LRRN3: variants seen among roughly 807,000 people sequenced by gnomAD.
LRRN3 encodes leucine-rich repeat neuronal protein 3.
In LRRN3, 15 loss-of-function variants were observed where a neutral mutation model predicts 40.1. The observed-to-expected ratio is 0.37, with a 90% CI of 0.25 to 0.58. LRRN3 has a LOEUF of 0.58. Among genes scored for constraint, LRRN3 ranks in the 20% least tolerant of loss-of-function variants. The pLI, the probability that LRRN3 is intolerant of heterozygous loss-of-function variation, is 0.72. For missense variants in LRRN3, 746 were observed against 837.7 expected (o/e 0.89, Z 1.35); for synonymous variants, 308 against 297.2 (o/e 1.04, Z -0.37).
At chr7:111,110,015 G>A (rs1004665776) in intron 2 of LRRN3, among the ~76,000 whole-genome samples, 3 of 152,112 alleles carry the variant, frequency 2.0e-5, no homozygotes, top group Non-Finnish European at 4.4e-5. Context: ...AACACCTGTA[G>A]TCCAAGCTAC....
At chr7:111,100,082 T>A (rs1797809564) in intron 2 of LRRN3, 120 bp downstream of exon 2, 1 of 151,666 alleles carries the variant, frequency 6.6e-6, no homozygotes, top group South Asian at 2.1e-4. Flanking sequence ...GAACCCTGAA[T>A]GTCTGACTCT....
chr7:111,095,000 G>A (rs191807127), intron 1 of LRRN3, among the ~76,000 whole-genome samples: 2 of 152,110 alleles, frequency 1.3e-5, no homozygotes, highest in East Asian at 3.9e-4. Flanking sequence ...AGTACCTACA[G>A]GGCCATTTAC....
Position 111,124,341 on chromosome 7 carries a change from C to T in LRRN3, c.1569C>T (p.Gly523=), listed in dbSNP as rs1486625296. 7 of 1,613,618 alleles carry T rather than the reference C, an allele frequency of 4.3e-6. No homozygotes were observed. The highest frequency in any genetic ancestry group is 5.9e-6 in the Non-Finnish European group (7 of 1,179,888). The part of the protein sequence containing the change: ...VDGSFPQDNN[G]SLNIKIRDIQ... ...GATCTTTTCCACAAGATAACAATGG[C>T]TCTTTGAATATTAAAATAAGAGATA... Residue 523 remains glycine (G), a synonymous_variant, in exon 3 of 3, where the codon GGC becomes GGT. Transcript: ENST00000308478.
intron 2 of LRRN3, among the ~76,000 whole-genome samples, chr7:111,109,793 T>C (rs1474034274): frequency 6.6e-6 from 1 of 152,178 alleles, no homozygotes; most frequent in African/African-American, 2.4e-5. Context: ...CATTGTTTGT[T>C]GCTATTGTTA....
intron 2 of LRRN3, among the ~76,000 whole-genome samples, chr7:111,114,738 CAA>C (rs567078227): frequency 2.4e-4 from 15 of 62,552 alleles, no homozygotes; most frequent in Admixed American, 3.7e-4. Flanking sequence ...GACTCCATCT[CAA>C]AAAAAAAAAA....
At chr7:111,101,625 CT>C (rs1797990229) in intron 2 of LRRN3, among the ~76,000 whole-genome samples, 1 of 151,126 alleles carries the variant, frequency 6.6e-6, no homozygotes, top group South Asian at 2.1e-4. Flanking sequence ...GGTATACTGT[CT>C]TGTATATTTC....
chr7:111,109,122 G>A (rs192175368), intron 2 of LRRN3, among the ~76,000 whole-genome samples: 1 of 152,122 alleles, frequency 6.6e-6, no homozygotes, highest in Non-Finnish European at 1.5e-5. Context: ...AAGGTGGTCC[G>A]TAAATAAGGT....
intron 2 of LRRN3, among the ~76,000 whole-genome samples, chr7:111,107,290 TG>T (rs1450336701): frequency 6.6e-6 from 1 of 152,062 alleles, no homozygotes; most frequent in East Asian, 1.9e-4. Flanking sequence ...TTAAATTATA[TG>T]GGCATGTAAA....
intron 2 of LRRN3, among the ~76,000 whole-genome samples, chr7:111,115,544 G>A (rs369273885): frequency 1.3e-5 from 2 of 152,018 alleles, no homozygotes; most frequent in East Asian, 1.9e-4. Context: ...ATTATAAAGA[G>A]AGATTTCTGT....
chr7:111,099,930 T>A lies in LRRN3; in HGVS notation c.-391T>A, dbSNP rs1797793285. ...AAGAAGAGGAAGATGTTGGGCAACATTTATTTAACATGCTCCACAGCCCGG... is the reference window on the plus strand; with the variant it reads ...AAGAAGAGGAAGATGTTGGGCAACAATTATTTAACATGCTCCACAGCCCGG... On this transcript the variant is annotated 5_prime_UTR_variant, in exon 2 of 3. Coordinates refer to ENST00000308478, the MANE Select transcript of LRRN3 (RefSeq NM_001099658.2). The A allele has an allele frequency of 6.6e-6, 1 of 151,598 alleles. No homozygotes were observed. Among genetic ancestry groups the A allele is most frequent in the African/African-American group, 2.4e-5 (1 of 41,356 alleles). 9.4% of individuals were successfully genotyped at this position (151,598 alleles called of 1,614,324 possible). A position where few individuals can be genotyped will look rare whatever the true frequency, so the allele number is the denominator to read the frequency against.
chr7:111,100,153 T>G (rs1797819043), intron 2 of LRRN3, among the ~76,000 whole-genome samples, 191 bp downstream of exon 2: 1 of 151,610 alleles, frequency 6.6e-6, no homozygotes, highest in African/African-American at 2.4e-5. Flanking sequence ...TTCAATAGCT[T>G]TTTGGGAAAC....
chr7:111,111,876 G>T (rs1316243923), intron 2 of LRRN3, among the ~76,000 whole-genome samples: 3 of 149,270 alleles, frequency 2.0e-5, no homozygotes, highest in Non-Finnish European at 4.4e-5. Flanking sequence ...AGTTAAGTTA[G>T]GTGACAGGAA....
chr7:111,120,667 T>C (rs1800488954), intron 2 of LRRN3, among the ~76,000 whole-genome samples: 1 of 152,174 alleles, frequency 6.6e-6, no homozygotes, highest in Non-Finnish European at 1.5e-5. Context: ...TTACGAATGA[T>C]AACACACAGG....
At position 111,122,723 on chromosome 7, in the gene LRRN3, G is replaced by T; in HGVS notation, c.-50G>T. 1 of 1,438,968 alleles carries T rather than the reference G, an allele frequency of 6.9e-7. No individual in the cohort carries two copies. Among genetic ancestry groups the T allele is most frequent in the South Asian group, 1.3e-5 (1 of 78,500 alleles). The allele number at this position is 1,438,968 out of a possible 1,614,324, so 89.1% of individuals were successfully genotyped here. A position where few individuals can be genotyped will look rare whatever the true frequency, so the allele number is the denominator to read the frequency against. ...AGCTCCTATTGAACTTACTAGCACT[G>T]ACTGTGGAATCCTTAAGGGCCCATT... On this transcript the variant is annotated 5_prime_UTR_variant, in exon 3 of 3. Transcript: ENST00000308478.
intron 2 of LRRN3, among the ~76,000 whole-genome samples, chr7:111,121,796 G>C (rs554164500): frequency 6.7e-4 from 102 of 152,214 alleles, no homozygotes; most frequent in Non-Finnish European, 8.1e-4. Context: ...TATTGCAGCA[G>C]TATTCACAAT....
At chr7:111,118,675 ATTAC>A (rs1162349791) in intron 2 of LRRN3, among the ~76,000 whole-genome samples, 1 of 152,138 alleles carries the variant, frequency 6.6e-6, no homozygotes, top group African/African-American at 2.4e-5. Flanking sequence ...AGATACTATT[ATTAC>A]TTACTTATTA....
Position 111,124,701 on chromosome 7 carries a change from A to G in LRRN3, c.1929A>G (p.Ile643Met). 1 of 1,613,966 alleles carries G rather than the reference A, an allele frequency of 6.2e-7. No individual in the cohort carries two copies. The highest frequency in any genetic ancestry group is 2.2e-5 in the East Asian group (1 of 44,874). The change falls in exon 3 of 3, where the codon ATA (isoleucine) becomes ATG (methionine). Residue 643 changes from isoleucine to methionine, a missense_variant. By Grantham distance (10) the Ile-to-Met change is conservative. Coordinates refer to ENST00000308478, the MANE Select transcript of LRRN3 (RefSeq NM_001099658.2). ...GCCTTCTGGGGATTATTGGTGTGAT[A>G]TGTCTTATCAGCTGCCTCTCTCCAG... ...LGGLLGIIGV[I>M]CLISCLSPEM...
chr7:111,112,526 T>C (rs1211610146), intron 2 of LRRN3, among the ~76,000 whole-genome samples: 1 of 152,232 alleles, frequency 6.6e-6, no homozygotes, highest in Non-Finnish European at 1.5e-5. Context: ...CTCCATGTCT[T>C]GGTTGAAACT....
chr7:111,091,584 C>A (rs1796870129), intron 1 of LRRN3, 80 bp downstream of exon 1: 1 of 152,128 alleles, frequency 6.6e-6, no homozygotes, highest in South Asian at 2.1e-4. Flanking sequence ...CACCTAAATC[C>A]TCCTTTGATG....
Sources: gnomAD v4.1 joint callset for allele counts (sites outside exome capture counted in the v4.1 genomes callset) on GRCh38, gnomAD v4.1.1 for gene constraint, MANE v1.5 for transcripts, NCBI Gene and HGNC (gene_info 2026-07-23, HGNC 2026-07-21) for gene names.